Variants in BANK1 observed in about 807,000 individuals in gnomAD.
BANK1 encodes B-cell scaffold protein with ankyrin repeats.
Under a neutral mutation model 94.5 loss-of-function variants are expected in BANK1, and 95 were observed. The ratio of observed to expected loss-of-function variants is 1.00; its 90% CI spans 0.85 to 1.19. The LOEUF (loss-of-function observed/expected upper bound fraction) is 1.19, where lower values mean the gene tolerates loss of function less well. Ranked by LOEUF, BANK1 falls within the 50% of genes most tolerant of loss-of-function variation. The pLI, the probability that BANK1 is intolerant of heterozygous loss-of-function variation, is 0.00. For missense variants in BANK1, 987 were observed against 932.2 expected, an observed-to-expected ratio of 1.06 and a Z score of -0.77; for synonymous variants, 334 against 308.4, an observed-to-expected ratio of 1.08 and a Z score of -0.87.
At chr4:101,815,408 G>A (rs1022114152) in intron 1 of BANK1, among the ~76,000 whole-genome samples, 1 of 152,138 alleles carries the variant, frequency 6.6e-6, no homozygotes, top group African/African-American at 2.4e-5. Context: ...AAAATTGTAA[G>A]TATTGCACCT....
intron 7 of BANK1, among the ~76,000 whole-genome samples, chr4:101,994,369 G>A (rs963806424): frequency 2.6e-5 from 4 of 152,108 alleles, no homozygotes; most frequent in Non-Finnish European, 5.9e-5. Context: ...TCTGCAAGGC[G>A]AGGATTCACT....
chr4:101,963,470 A>G (rs908273580), intron 7 of BANK1, among the ~76,000 whole-genome samples: 1 of 152,114 alleles, frequency 6.6e-6, no homozygotes, highest in African/African-American at 2.4e-5. Flanking sequence ...CACTTAACAG[A>G]ATCCTCTCTA....
intron 5 of BANK1, among the ~76,000 whole-genome samples, chr4:101,883,371 C>A (rs952665258): frequency 1.3e-5 from 2 of 152,088 alleles, no homozygotes; most frequent in African/African-American, 2.4e-5. Context: ...ATTAATACAA[C>A]CTTAATATTG....
At chr4:101,869,255 A>G (rs1298367491) in intron 4 of BANK1, among the ~76,000 whole-genome samples, 3 of 151,946 alleles carry the variant, frequency 2.0e-5, no homozygotes, top group Non-Finnish European at 4.4e-5. Flanking sequence ...ATTTAAATTT[A>G]TCTTTATAAA....
At chr4:101,944,039 T>TGAGAGA (rs796144955) in intron 7 of BANK1, among the ~76,000 whole-genome samples, 1 of 126,696 alleles carries the variant, frequency 7.9e-6, no homozygotes, top group South Asian at 2.4e-4. Context: ...TGTGTGTGTG[T>TGAGAGA]GAGAGAGAGA....
intron 7 of BANK1, among the ~76,000 whole-genome samples, chr4:101,959,856 TTTAAG>T (rs1329768394): frequency 6.6e-6 from 1 of 152,150 alleles, no homozygotes; most frequent in African/African-American, 2.4e-5. Flanking sequence ...TGAATTATGG[TTTAAG>T]TTGTCAGAGA....
chr4:101,809,573 A>G (rs1027794835), intron 1 of BANK1, among the ~76,000 whole-genome samples: 1 of 152,190 alleles, frequency 6.6e-6, no homozygotes, highest in Admixed American at 6.5e-5. Flanking sequence ...TTAAAAATGG[A>G]AAGATAATAA....
rs532718678 is a variant in BANK1, at chr4:102,063,681, C to T, written c.2212+543C>T. Among the ~76,000 whole-genome samples the T allele has an allele frequency of 2.6e-5, 4 of 151,546 alleles. No individual in the cohort carries two copies. The South Asian group carries it at 8.4e-4, about 32-fold the overall frequency. On this transcript the variant is annotated intron_variant, in intron 13 of 16. Transcript: ENST00000322953. ...TACTAAAAATATAAAAATTAGCCGGCCATGATGGTGCATGCCTGTAATCCC... is the reference window on the plus strand; with the variant it reads ...TACTAAAAATATAAAAATTAGCCGGTCATGATGGTGCATGCCTGTAATCCC...
intron 7 of BANK1, among the ~76,000 whole-genome samples, chr4:101,975,421 A>C (rs1725090121): frequency 1.3e-5 from 2 of 152,172 alleles, no homozygotes; most frequent in Non-Finnish European, 2.9e-5. Context: ...TCTGGTCTTG[A>C]AGCCATTACA....
At chr4:101,929,610 T>A (rs1723279050) in intron 7 of BANK1, among the ~76,000 whole-genome samples, 1 of 151,588 alleles carries the variant, frequency 6.6e-6, no homozygotes, top group South Asian at 2.1e-4. Context: ...AGGGAATGAA[T>A]ATATGTACTA....
chr4:101,881,654 T>C (rs911537511), intron 5 of BANK1, among the ~76,000 whole-genome samples: 2 of 152,092 alleles, frequency 1.3e-5, no homozygotes, highest in African/African-American at 4.8e-5. Flanking sequence ...AGCCAAAATT[T>C]GGAAGCAACC....
At chr4:101,850,166 T>C (rs1011852117) in intron 2 of BANK1, among the ~76,000 whole-genome samples, 1 of 152,214 alleles carries the variant, frequency 6.6e-6, no homozygotes, top group Non-Finnish European at 1.5e-5. Context: ...TAAAAACTCA[T>C]TAGAGTATAA....
At chr4:101,808,870 G>A (rs1325125980) in intron 1 of BANK1, among the ~76,000 whole-genome samples, 2 of 152,160 alleles carry the variant, frequency 1.3e-5, no homozygotes, top group Admixed American at 1.3e-4. Context: ...GAGTCCATGT[G>A]AAAAGTGAAC....
intron 11 of BANK1, among the ~76,000 whole-genome samples, chr4:102,050,874 A>G (rs1728025116): frequency 6.6e-6 from 1 of 152,226 alleles, no homozygotes; most frequent in Non-Finnish European, 1.5e-5. Flanking sequence ...AGCAGGTACT[A>G]AATATTATTT....
At chr4:101,808,706 A>G (rs1039067267) in intron 1 of BANK1, among the ~76,000 whole-genome samples, 2 of 152,242 alleles carry the variant, frequency 1.3e-5, no homozygotes, top group Admixed American at 6.5e-5. Flanking sequence ...ATGAATAGAC[A>G]GTTACCAAAA....
intron 5 of BANK1, among the ~76,000 whole-genome samples, chr4:101,875,920 G>T (rs1386848484): frequency 6.6e-6 from 1 of 152,102 alleles, no homozygotes; most frequent in Non-Finnish European, 1.5e-5. Context: ...AACACAAGCT[G>T]GAGTGGCTAA....
At chr4:101,917,675 A>G (rs943461960) in intron 6 of BANK1, among the ~76,000 whole-genome samples, 2 of 151,968 alleles carry the variant, frequency 1.3e-5, no homozygotes, top group Admixed American at 1.3e-4. Flanking sequence ...GTCTAAGTAC[A>G]TTCAAAAGGA....
intron 6 of BANK1, among the ~76,000 whole-genome samples, chr4:101,899,990 T>C (rs1389568475): frequency 6.6e-6 from 1 of 152,204 alleles, no homozygotes; most frequent in Non-Finnish European, 1.5e-5. Flanking sequence ...CAATGACCTT[T>C]ATAATCCCCT....
chr4:101,815,944 G>T (rs918832325), intron 1 of BANK1, among the ~76,000 whole-genome samples: 7 of 152,094 alleles, frequency 4.6e-5, no homozygotes, highest in African/African-American at 1.7e-4. Flanking sequence ...TCTGTTCCAT[G>T]TATTCAAAAT....
Sources: allele counts gnomAD v4.1 joint callset (sites outside exome capture counted in the v4.1 genomes callset), GRCh38; gene constraint gnomAD v4.1.1; transcripts MANE v1.5; gene names NCBI Gene and HGNC (gene_info 2026-07-23, HGNC 2026-07-21).